Variants in SRGAP3 observed in about 807,000 individuals in gnomAD.
SRGAP3 encodes SLIT-ROBO Rho GTPase activating protein 3.
A neutral mutation model predicts 121.1 loss-of-function variants in SRGAP3; 39 were observed. That is an observed-to-expected ratio of 0.32 (90% CI 0.25 to 0.42). The LOEUF (loss-of-function observed/expected upper bound fraction) is 0.42. Ranked by LOEUF, SRGAP3 falls within the 10% of genes least tolerant of loss-of-function variation. The pLI, the probability that SRGAP3 is intolerant of heterozygous loss-of-function variation, is 1.00. For synonymous variants in SRGAP3, 601 were observed against 570.0 expected (o/e 1.05, Z -0.77); for missense variants, 1,213 against 1,470.6 (o/e 0.82, Z 2.86).
intron 3 of SRGAP3, among the ~76,000 whole-genome samples, chr3:9,315,760 G>A (rs1321208002): frequency 6.6e-6 from 1 of 152,034 alleles, no homozygotes; most frequent in Non-Finnish European, 1.5e-5. Flanking sequence ...GAAAATGTGA[G>A]CGCCTAAATG....
chr3:9,058,713 T>TA, intron 6 of SRGAP3: 4 of 361,728 alleles, frequency 1.1e-5, no homozygotes, highest in East Asian at 5.9e-5. Context: ...TTTCTCTCTC[T>TA]CTTTTTTTTT....
At chr3:9,347,157 T>C (rs1955905976) in intron 1 of SRGAP3, among the ~76,000 whole-genome samples, 2 of 151,938 alleles carry the variant, frequency 1.3e-5, no homozygotes, top group African/African-American at 4.8e-5. Context: ...CTCCCAACTC[T>C]GTTGCTTTTT....
chr3:9,038,166 A>G (rs1944854167), intron 10 of SRGAP3, 76 bp from the exon 11 acceptor site: 1 of 1,572,338 alleles, frequency 6.4e-7, no homozygotes, highest in East Asian at 2.2e-5. Context: ...TTTTCTAAAA[A>G]CAAAATACAA....
intron 3 of SRGAP3, among the ~76,000 whole-genome samples, chr3:9,323,193 A>C (rs1955464862): frequency 6.6e-6 from 1 of 151,890 alleles, no homozygotes; most frequent in African/African-American, 2.4e-5. Flanking sequence ...GCTGACTATA[A>C]AGGGACAGCA....
intron 1 of SRGAP3, among the ~76,000 whole-genome samples, chr3:9,154,156 C>A (rs1277048524): frequency 4.6e-5 from 7 of 152,256 alleles, no homozygotes; most frequent in African/African-American, 1.4e-4. Flanking sequence ...CTAATTAAAG[C>A]CCTGGCTGAC....
chr3:9,026,888 A>T, intron 13 of SRGAP3, 47 bp downstream of exon 13: 1 of 1,574,964 alleles, frequency 6.3e-7, no homozygotes, highest in South Asian at 1.1e-5. Context: ...ACAGCCTAGC[A>T]CCTGTTCTGC....
chr3:9,086,742 GTA>G (rs1219040586), intron 3 of SRGAP3, among the ~76,000 whole-genome samples: 2 of 145,698 alleles, frequency 1.4e-5, no homozygotes, highest in East Asian at 2.0e-4. Context: ...TATTTTATAT[GTA>G]TATATGTATT....
intron 1 of SRGAP3, among the ~76,000 whole-genome samples, chr3:9,221,210 C>T (rs1430383753): frequency 6.6e-6 from 1 of 152,198 alleles, no homozygotes; most frequent in East Asian, 1.9e-4. Context: ...AAGCTTCCTG[C>T]TTTCCCTCAA....
At chr3:9,172,773 T>C (rs1951030414) in intron 1 of SRGAP3, among the ~76,000 whole-genome samples, 1 of 152,106 alleles carries the variant, frequency 6.6e-6, no homozygotes, top group Non-Finnish European at 1.5e-5. Context: ...GACCCTCCAC[T>C]GACAGTAACA....
intron 1 of SRGAP3, among the ~76,000 whole-genome samples, chr3:9,231,223 A>G (rs9845704): frequency 0.19 from 29,582 of 152,130 alleles, 2,892 homozygotes; most frequent in African/African-American, 0.21. Flanking sequence ...GCTCTGACAA[A>G]CAATAGTGTA....
At chr3:9,152,390 T>A (rs1950240257) in intron 1 of SRGAP3, among the ~76,000 whole-genome samples, 1 of 152,122 alleles carries the variant, frequency 6.6e-6, no homozygotes, top group Non-Finnish European at 1.5e-5. Flanking sequence ...CCAATATTTC[T>A]CTCTCTCTCT....
chr3:9,048,846 A>C (rs1399434044), intron 9 of SRGAP3, among the ~76,000 whole-genome samples: 1 of 152,122 alleles, frequency 6.6e-6, no homozygotes, highest in East Asian at 1.9e-4. Flanking sequence ...AATAAATCAA[A>C]TAAAGTGGGA....
At chr3:9,130,144 C>G (rs1353998117) in intron 1 of SRGAP3, among the ~76,000 whole-genome samples, 2 of 152,082 alleles carry the variant, frequency 1.3e-5, no homozygotes, top group African/African-American at 4.8e-5. Flanking sequence ...CACACACAAA[C>G]AAACATATGG....
intron 2 of SRGAP3, among the ~76,000 whole-genome samples, chr3:9,123,732 A>ATATGTGTGTGTGTGTGTGTGTGTG (rs1949109706): frequency 2.9e-5 from 4 of 139,074 alleles, no homozygotes; most frequent in African/African-American, 1.2e-4. Flanking sequence ...ATATGTATAT[A>ATATGTGTGTGTGTGTGTGTGTGTG]TGTGTGTGTG....
At chr3:9,159,388 C>T (rs991918547) in intron 1 of SRGAP3, among the ~76,000 whole-genome samples, 1 of 152,224 alleles carries the variant, frequency 6.6e-6, no homozygotes, top group African/African-American at 2.4e-5. Context: ...CCTCACCACC[C>T]ACCTCCTTCT....
In SRGAP3 at chr3:9,239,105, C is replaced by T. The variant is rs1283939956; in HGVS notation, c.67+9780G>A. ...AGCAGAATAAAGATGTGAGGCCGGC[C>T]GCAGTGGCTCACACCTATAATCCCA... is the stretch of plus-strand genomic sequence containing the variant. On this transcript the variant is annotated intron_variant, in intron 1 of 21. Coordinates refer to ENST00000383836, the MANE Select transcript of SRGAP3 (RefSeq NM_014850.4). The surrounding 1 kb of genome is among the most constrained non-coding windows in gnomAD (Gnocchi z 4.0). Among the ~76,000 whole-genome samples, 3 of 152,122 alleles carry T rather than the reference C, an allele frequency of 2.0e-5. No individual in the cohort carries two copies. The highest frequency in any genetic ancestry group is 2.9e-5 in the Non-Finnish European group (2 of 68,030).
Position 9,053,273 on chromosome 3 carries a change from G to A in SRGAP3, c.1126-49C>T, listed in dbSNP as rs778505398. Reference sequence around the variant, plus strand: ...AAAAATCCTGTATTCTCATACTGCCGTTGACACCTAAAGTCCCTTTCCCAG... The same window carrying A: ...AAAAATCCTGTATTCTCATACTGCCATTGACACCTAAAGTCCCTTTCCCAG... On this transcript the variant is annotated intron_variant, in intron 8 of 21. Transcript: ENST00000383836. 44 of 1,565,498 alleles carry A rather than the reference G, an allele frequency of 2.8e-5. No homozygotes were observed. In the South Asian group the frequency reaches 3.7e-4, roughly 13 times the overall value.
At chr3:9,253,809 C>T (rs558297920), upstream of SRGAP3, among the ~76,000 whole-genome samples, 10 of 152,262 alleles carry the variant, frequency 6.6e-5, no homozygotes, top group East Asian at 1.9e-4. Flanking sequence ...TATCATTTGT[C>T]GTATGTGGTC....
At chr3:9,065,045 C>T (rs1174921251) in intron 4 of SRGAP3, among the ~76,000 whole-genome samples, 1 of 152,104 alleles carries the variant, frequency 6.6e-6, no homozygotes, top group East Asian at 1.9e-4. Flanking sequence ...GGGAAAGCCC[C>T]TCCTCCCACA....
Sources: allele counts gnomAD v4.1 joint callset (sites outside exome capture counted in the v4.1 genomes callset), GRCh38; gene constraint gnomAD v4.1.1; non-coding constraint Gnocchi (gnomAD v3.1); transcripts MANE v1.5; gene names NCBI Gene and HGNC (gene_info 2026-07-23, HGNC 2026-07-21).